The following LPCAT2 variants were observed in gnomAD, a reference collection of about 807,000 sequenced individuals.
The protein encoded by LPCAT2 is lysophosphatidylcholine acyltransferase 2, also known as 1-AGP acyltransferase 11.
Under a neutral mutation model 64.7 loss-of-function variants are expected in LPCAT2, and 58 were observed. That is an observed-to-expected ratio of 0.90 (90% CI 0.73 to 1.12). The LOEUF (loss-of-function observed/expected upper bound fraction) is 1.12, where lower values mean the gene tolerates loss of function less well. Among genes scored for constraint, LPCAT2 ranks in the 50% most tolerant of loss-of-function variants. The pLI, the probability that LPCAT2 is intolerant of heterozygous loss-of-function variation, is 0.00. For synonymous variants in LPCAT2, 252 were observed against 245.3 expected, an observed-to-expected ratio of 1.03 and a Z score of -0.26; for missense variants, 579 against 669.8, an observed-to-expected ratio of 0.86 and a Z score of 1.50.
chr16:55,528,729 A>T, intron 3 of LPCAT2, 135 bp downstream of exon 3: 1 of 672,362 alleles, frequency 1.5e-6, no homozygotes, highest in Non-Finnish European at 2.5e-6. Flanking sequence ...CTTTATTGTA[A>T]TAAGTTACTA....
At chr16:55,549,592 A>G in intron 10 of LPCAT2, among the ~76,000 whole-genome samples, 190 bp downstream of exon 10, 1 of 152,202 alleles carries the variant, frequency 6.6e-6, no homozygotes. Context: ...CAGTTAACTC[A>G]GAGATATGTG....
chr16:55,514,106 T>C (rs930267593), intron 1 of LPCAT2, among the ~76,000 whole-genome samples: 4 of 151,998 alleles, frequency 2.6e-5, no homozygotes, highest in Admixed American at 2.6e-4. Context: ...GGAGTAACAG[T>C]TGGAGCAAAC....
intron 3 of LPCAT2, among the ~76,000 whole-genome samples, chr16:55,528,813 T>C (rs577183497): frequency 6.6e-6 from 1 of 152,214 alleles, no homozygotes; most frequent in Non-Finnish European, 1.5e-5. Flanking sequence ...TAAAACTTTT[T>C]ATCACTATGT....
At chr16:55,535,855 T>C (rs1181524082) in intron 7 of LPCAT2, among the ~76,000 whole-genome samples, 3 of 152,076 alleles carry the variant, frequency 2.0e-5, no homozygotes, top group African/African-American at 7.2e-5. Context: ...GATGATCAAA[T>C]AGGAGAAAGC....
At chr16:55,528,703 A>G (rs1407148056) in intron 3 of LPCAT2, 109 bp downstream of exon 3, 6 of 787,344 alleles carry the variant, frequency 7.6e-6, no homozygotes, top group African/African-American at 7.0e-5. Flanking sequence ...TAAAATAAAC[A>G]TTTCAAACAT....
At chr16:55,531,864 G>C (rs377363949) in intron 4 of LPCAT2, 50 bp from the exon 5 acceptor site, 10 of 1,168,488 alleles carry the variant, frequency 8.6e-6, no homozygotes, top group Admixed American at 1.8e-5. Flanking sequence ...GAGTAAAGAG[G>C]TAATTTATTA....
At chr16:55,563,723 A>T (rs924676631) in intron 11 of LPCAT2, among the ~76,000 whole-genome samples, 3 of 151,892 alleles carry the variant, frequency 2.0e-5, no homozygotes, top group Non-Finnish European at 2.9e-5. Flanking sequence ...ACCATATATG[A>T]AAAGTTGATA....
Position 55,528,373 on chromosome 16 carries a change from A to G in LPCAT2, c.312-4A>G. 6.2e-7 allele frequency: 1 copy of G among 1,609,398 alleles called. No homozygotes were observed. The highest frequency in any genetic ancestry group is 1.1e-5 in the South Asian group (1 of 90,882). On this transcript the variant is annotated splice_region_variant and splice_polypyrimidine_tract_variant and intron_variant, in intron 2 of 13. Transcript: ENST00000262134. ...CTAATTACATCTTTTCTATATTTTC[A>G]AAGGAAAATTACTCAAACAGCTTTG...
intron 11 of LPCAT2, among the ~76,000 whole-genome samples, chr16:55,568,148 T>G (rs1200194907): frequency 7.9e-6 from 1 of 127,300 alleles, no homozygotes; most frequent in Non-Finnish European, 1.9e-5. Flanking sequence ...GTTTCTTTAG[T>G]AAAAAAAAGC....
chr16:55,524,252 A>T (rs1963137447), intron 1 of LPCAT2, among the ~76,000 whole-genome samples: 1 of 151,994 alleles, frequency 6.6e-6, no homozygotes, highest in Admixed American at 6.6e-5. Context: ...TGCAATTAAA[A>T]AGAATGAATT....
intron 1 of LPCAT2, among the ~76,000 whole-genome samples, chr16:55,510,321 T>C (rs1224779257): frequency 2.6e-5 from 4 of 152,112 alleles, no homozygotes; most frequent in African/African-American, 9.7e-5. Context: ...TCCTTTCCTT[T>C]CCTTTTTCTT....
rs1419766756 is a variant in LPCAT2, at chr16:55,532,006, A to AGT, written c.703+33_703+34dup. On this transcript the variant is annotated intron_variant, in intron 5 of 13. Coordinates refer to ENST00000262134, the MANE Select transcript of LPCAT2 (RefSeq NM_017839.5). Reference sequence around the variant, plus strand: ...AAAATTAAATTATGTATTCTAACAAAGTAATATGTGAGATTTTGCAAATGA... The same window carrying AGT: ...AAAATTAAATTATGTATTCTAACAAAGTGTAATATGTGAGATTTTGCAAATGA... 2.3e-6 allele frequency: 3 copies of AGT among 1,285,588 alleles called. No homozygotes were observed. The South Asian group carries it at 3.6e-5, about 15-fold the overall frequency. The allele number at this position is 1,285,588 out of a possible 1,614,324, so 79.6% of individuals were successfully genotyped here. A position where few individuals can be genotyped will look rare whatever the true frequency, so the allele number is the denominator to read the frequency against.
chr16:55,579,762 G>A (rs1278844902), intron 13 of LPCAT2, among the ~76,000 whole-genome samples: 1 of 152,182 alleles, frequency 6.6e-6, no homozygotes, highest in African/African-American at 2.4e-5. Context: ...ACGATTTATT[G>A]ATGTTTACTA....
At chr16:55,547,001 GC>G (rs1224697265) in intron 9 of LPCAT2, among the ~76,000 whole-genome samples, 1 of 152,076 alleles carries the variant, frequency 6.6e-6, no homozygotes, top group African/African-American at 2.4e-5. Flanking sequence ...ACAAAAATTA[GC>G]CAGGCATTAT....
chr16:55,571,138 TA>T (rs1246654744), intron 11 of LPCAT2, among the ~76,000 whole-genome samples: 2 of 152,182 alleles, frequency 1.3e-5, no homozygotes, highest in African/African-American at 4.8e-5. Flanking sequence ...TTACTAAACA[TA>T]AAAAGTTATA....
intron 1 of LPCAT2, among the ~76,000 whole-genome samples, chr16:55,520,978 GA>G (rs1366462393): frequency 2.0e-5 from 3 of 151,724 alleles, no homozygotes; most frequent in Non-Finnish European, 4.4e-5. Flanking sequence ...GTAAGTCAAA[GA>G]AAGGAAATAA....
intron 9 of LPCAT2, among the ~76,000 whole-genome samples, chr16:55,547,702 A>G (rs1228075188): frequency 7.9e-5 from 12 of 152,296 alleles, no homozygotes; most frequent in African/African-American, 2.9e-4. Flanking sequence ...TCCATCTTAT[A>G]TATTCTTATA....
intron 11 of LPCAT2, among the ~76,000 whole-genome samples, chr16:55,556,559 C>T (rs1041934729): frequency 1.3e-5 from 2 of 152,068 alleles, no homozygotes; most frequent in African/African-American, 4.8e-5. Context: ...GGGCAGATCA[C>T]GAGGTCAGGA....
intron 11 of LPCAT2, among the ~76,000 whole-genome samples, chr16:55,572,916 A>G (rs1421546792): frequency 2.0e-5 from 3 of 152,216 alleles, no homozygotes; most frequent in Non-Finnish European, 4.4e-5. Context: ...AATCAACACA[A>G]ATAAAGCTGA....
Sources: gnomAD v4.1 joint callset for allele counts (sites outside exome capture counted in the v4.1 genomes callset) on GRCh38, gnomAD v4.1.1 for gene constraint, MANE v1.5 for transcripts, NCBI Gene and HGNC (gene_info 2026-07-23, HGNC 2026-07-21) for gene names.